The following PDE6D variants were observed in gnomAD, a reference collection of about 807,000 sequenced individuals.
PDE6D encodes the protein retinal rod rhodopsin-sensitive cGMP 3',5'-cyclic phosphodiesterase subunit delta.
In PDE6D, 10 loss-of-function variants were observed where a neutral mutation model predicts 21.9. The observed-to-expected ratio is 0.46, with a 90% CI of 0.28 to 0.78. The LOEUF (loss-of-function observed/expected upper bound fraction) is 0.78. PDE6D is among the 30% of genes least tolerant of loss of function. The pLI is 0.12. For synonymous variants in PDE6D, 59 were observed against 63.5 expected (o/e 0.93, Z 0.34); for missense variants, 139 against 184.8 (o/e 0.75, Z 1.44).
chr2:231,748,804 G>T (rs1479978205), intron 1 of PDE6D, among the ~76,000 whole-genome samples: 1 of 152,186 alleles, frequency 6.6e-6, no homozygotes, highest in African/African-American at 2.4e-5. Context: ...TGTACAGCTC[G>T]GGCTGTGGCT....
intron 1 of PDE6D, among the ~76,000 whole-genome samples, chr2:231,769,088 C>T (rs1454571093): frequency 6.6e-6 from 1 of 152,202 alleles, no homozygotes; most frequent in East Asian, 1.9e-4. Flanking sequence ...AGGCTGGTCT[C>T]GAACTCCTGA....
chr2:231,777,896 T>C (rs565003215), intron 1 of PDE6D, among the ~76,000 whole-genome samples: 2 of 152,268 alleles, frequency 1.3e-5, no homozygotes, highest in East Asian at 1.9e-4. Context: ...GAAGAAAAGA[T>C]AGGATATTTA....
At chr2:231,761,236 G>A (rs2048922473) in intron 1 of PDE6D, among the ~76,000 whole-genome samples, 1 of 151,942 alleles carries the variant, frequency 6.6e-6, no homozygotes, top group Admixed American at 6.6e-5. Context: ...CTGCAGTGGC[G>A]CAATCTCGGC....
chr2:231,776,531 T>C (rs1357797138), intron 1 of PDE6D, among the ~76,000 whole-genome samples: 1 of 152,172 alleles, frequency 6.6e-6, no homozygotes, highest in African/African-American at 2.4e-5. Context: ...TTTACAAAGG[T>C]CACTCTAGGT....
intron 1 of PDE6D, among the ~76,000 whole-genome samples, chr2:231,769,532 A>T (rs1018419100): frequency 1.6e-4 from 24 of 151,398 alleles, no homozygotes; most frequent in South Asian, 1.2e-3. Flanking sequence ...TCTCTCTCAC[A>T]CACACACACA....
At chr2:231,742,543 G>A (rs937824965) in intron 1 of PDE6D, among the ~76,000 whole-genome samples, 12 of 152,086 alleles carry the variant, frequency 7.9e-5, no homozygotes, top group African/African-American at 2.9e-4. Context: ...ACCATTAAAG[G>A]AAAAGAAAAT....
chr2:231,737,996 T>C lies in PDE6D; in HGVS notation c.265+17A>G. 5 of 1,610,676 alleles carry C rather than the reference T, an allele frequency of 3.1e-6. No individual in the cohort carries two copies. The highest frequency in any genetic ancestry group is 1.3e-5 in the African/African-American group (1 of 74,870). ...TCGCCCTAAGCCCTGATTTCAGGCATGTAGGCAGCAGAATACCTTCTAGGC... is the reference window on the plus strand; with the variant it reads ...TCGCCCTAAGCCCTGATTTCAGGCACGTAGGCAGCAGAATACCTTCTAGGC... On this transcript the variant is annotated intron_variant, in intron 3 of 4. Transcript: ENST00000287600.
chr2:231,769,352 C>A (rs1194540379), intron 1 of PDE6D, among the ~76,000 whole-genome samples: 1 of 152,266 alleles, frequency 6.6e-6, no homozygotes, highest in Non-Finnish European at 1.5e-5. Context: ...CTTACAGTTA[C>A]ATTTCTCACT....
intron 1 of PDE6D, among the ~76,000 whole-genome samples, chr2:231,746,903 T>C (rs988440756): frequency 3.8e-5 from 5 of 131,330 alleles, no homozygotes; most frequent in African/African-American, 1.5e-4. Flanking sequence ...CTCCGAAAAT[T>C]TGGAGATAGA....
chr2:231,766,996 A>C (rs958913537), intron 1 of PDE6D, among the ~76,000 whole-genome samples: 1 of 148,750 alleles, frequency 6.7e-6, no homozygotes, highest in African/African-American at 2.5e-5. Flanking sequence ...TCCGTCTCAA[A>C]AAAAAAAAAA....
In PDE6D at chr2:231,748,114, A is replaced by T. The variant is rs145964941; in HGVS notation, c.51-8926T>A. Among the ~76,000 whole-genome samples the T allele has an allele frequency of 5.6e-4, 85 of 152,312 alleles. 2 individuals carry two copies. The East Asian group carries it at 0.016, about 29-fold the overall frequency. On this transcript the variant is annotated intron_variant, in intron 1 of 4. Coordinates refer to ENST00000287600, the MANE Select transcript of PDE6D (RefSeq NM_002601.4). ...GGGGCGTTGCTGAAAAGATACCTGAAAATGTGGAAGCAACTTTGAAACTGG... is the reference window on the plus strand; with the variant it reads ...GGGGCGTTGCTGAAAAGATACCTGATAATGTGGAAGCAACTTTGAAACTGG...
At chr2:231,774,757 A>C (rs2049041163) in intron 1 of PDE6D, among the ~76,000 whole-genome samples, 1 of 151,588 alleles carries the variant, frequency 6.6e-6, no homozygotes, top group South Asian at 2.1e-4. Flanking sequence ...TGCCCAGCTA[A>C]TTTTTGTATT....
chr2:231,753,441 C>T (rs1252296012), intron 1 of PDE6D, among the ~76,000 whole-genome samples: 1 of 151,988 alleles, frequency 6.6e-6, no homozygotes, highest in East Asian at 1.9e-4. Context: ...GTCCCAGCTA[C>T]TCCGGAGGGT....
intron 1 of PDE6D, among the ~76,000 whole-genome samples, chr2:231,762,339 C>T (rs1378607424): frequency 0.011 from 890 of 83,642 alleles, 41 homozygotes; most frequent in Non-Finnish European, 0.014. Context: ...AGGACTAACG[C>T]TTTTTTTTTT....
At chr2:231,748,762 C>T (rs1331129106) in intron 1 of PDE6D, among the ~76,000 whole-genome samples, 1 of 152,170 alleles carries the variant, frequency 6.6e-6, no homozygotes, top group African/African-American at 2.4e-5. Flanking sequence ...TGCCATGTCC[C>T]AGCTGCTCCA....
At chr2:231,766,582 G>A (rs2048972346) in intron 1 of PDE6D, among the ~76,000 whole-genome samples, 1 of 152,116 alleles carries the variant, frequency 6.6e-6, no homozygotes, top group African/African-American at 2.4e-5. Flanking sequence ...GGAGGCACAG[G>A]GATATTGCCT....
At chr2:231,746,082 TTTTA>T (rs1031700279) in intron 1 of PDE6D, among the ~76,000 whole-genome samples, 8 of 152,196 alleles carry the variant, frequency 5.3e-5, no homozygotes, top group Admixed American at 2.6e-4. Flanking sequence ...CTTAAAACTT[TTTTA>T]TTTATTTTTT....
chr2:231,739,222 T>A lies in PDE6D; in HGVS notation c.51-34A>T. On this transcript the variant is annotated intron_variant, in intron 1 of 4. Coordinates refer to ENST00000287600, the MANE Select transcript of PDE6D (RefSeq NM_002601.4). The surrounding 1 kb of genome is among the most constrained non-coding windows in gnomAD (Gnocchi z 4.2). The stretch of plus-strand genomic sequence containing the variant: ...ATATGACTAAGGAAAAATAAGGCAC[T>A]GAAAGTGACTCCCACTTTGTATTCT... 7.9e-7 allele frequency: 1 copy of A among 1,269,716 alleles called. No homozygotes were observed. The highest frequency in any genetic ancestry group is 1.2e-6 in the Non-Finnish European group (1 of 865,630). The allele number at this position is 1,269,716 out of a possible 1,614,324, so 78.7% of individuals were successfully genotyped here. A position where few individuals can be genotyped will look rare whatever the true frequency, so the allele number is the denominator to read the frequency against.
intron 4 of PDE6D, among the ~76,000 whole-genome samples, chr2:231,733,269 T>C (rs1037404825): frequency 2.0e-5 from 3 of 152,212 alleles, no homozygotes; most frequent in Non-Finnish European, 4.4e-5. Flanking sequence ...AGTGAGAGCA[T>C]GTCTCCACTC....
Sources: allele counts gnomAD v4.1 joint callset (sites outside exome capture counted in the v4.1 genomes callset), GRCh38; gene constraint gnomAD v4.1.1; non-coding constraint Gnocchi (gnomAD v3.1); transcripts MANE v1.5; gene names NCBI Gene and HGNC (gene_info 2026-07-23, HGNC 2026-07-21).